KIAA0753: variants seen among roughly 807,000 people sequenced by gnomAD.
The protein encoded by KIAA0753 is protein moonraker.
Under a neutral mutation model 116.9 loss-of-function variants are expected in KIAA0753, and 114 were observed. That is an observed-to-expected ratio of 0.98 (90% confidence interval 0.84 to 1.14). The LOEUF is 1.14. KIAA0753 is among the 50% of genes most tolerant of loss of function. The pLI is 0.00. For missense variants in KIAA0753, 1,156 were observed against 1,172.4 expected (o/e 0.99, Z 0.20); for synonymous variants, 405 against 413.1 (o/e 0.98, Z 0.24).
intron 2 of KIAA0753, among the ~76,000 whole-genome samples, chr17:6,631,868 G>T (rs1972037878): frequency 1.3e-5 from 2 of 152,106 alleles, no homozygotes; most frequent in African/African-American, 4.8e-5. Flanking sequence ...GAAAAGACAA[G>T]TTGAGCCTGG....
Position 6,596,217 on chromosome 17 carries a change from C to T in KIAA0753, c.2299G>A (p.Glu767Lys), listed in dbSNP as rs1373008849. ...AGATCTGGGCTATCCTTGCTGTCCT[C>T]AACGGTGGCTAAGGTTTCAGACCCC... ...ILGSETLATVEDSKDSPDLEI... is the reference protein window; with the variant it reads ...ILGSETLATVKDSKDSPDLEI... The change falls in exon 15 of 19, where the codon GAG (glutamate) becomes AAG (lysine). Residue 767 changes from glutamate to lysine, a missense_variant. Transcript: ENST00000361413. 3.7e-6 allele frequency: 6 copies of T among 1,613,898 alleles called. No homozygotes were observed. Among genetic ancestry groups the T allele is most frequent in the Non-Finnish European group, 5.1e-6 (6 of 1,179,858 alleles).
chr17:6,595,282 G>A (rs912463536), intron 15 of KIAA0753, among the ~76,000 whole-genome samples: 1 of 152,218 alleles, frequency 6.6e-6, no homozygotes, highest in African/African-American at 2.4e-5. Context: ...AGAAGCTGCT[G>A]CAGTGAGGAA....
intron 14 of KIAA0753, among the ~76,000 whole-genome samples, chr17:6,597,155 C>T (rs1041191354): frequency 1.3e-5 from 2 of 152,156 alleles, no homozygotes; most frequent in African/African-American, 4.8e-5. Flanking sequence ...CACGCTGAGA[C>T]ACTTAGCATA....
chr17:6,623,160 C>G, intron 5 of KIAA0753, 63 bp from the exon 6 acceptor site: 2 of 1,408,982 alleles, frequency 1.4e-6, no homozygotes, highest in Non-Finnish European at 9.8e-7. Flanking sequence ...ATTCACCCAA[C>G]TTCTAAGAAT....
intron 17 of KIAA0753, 43 bp from the exon 18 acceptor site, chr17:6,590,046 T>C (rs2150747224): frequency 1.4e-6 from 2 of 1,383,032 alleles, no homozygotes; most frequent in Non-Finnish European, 9.8e-7. Flanking sequence ...AGATCATCTG[T>C]AAGCAAGACT....
chr17:6,591,774 A>ACGTTTACCTCT (rs1363172253), intron 16 of KIAA0753, among the ~76,000 whole-genome samples: 9 of 152,128 alleles, frequency 5.9e-5, no homozygotes, highest in Non-Finnish European at 1.0e-4. Flanking sequence ...TTGCCCTCCA[A>ACGTTTACCTCT]CGTTTACCTC....
intron 2 of KIAA0753, 89 bp downstream of exon 2, chr17:6,634,922 G>A (rs1972221514): frequency 2.5e-6 from 2 of 815,346 alleles, no homozygotes; most frequent in Non-Finnish European, 2.1e-6. Flanking sequence ...AATCTAGGAG[G>A]TGATTTCAAA....
rs374358737 is a variant in KIAA0753, at chr17:6,612,131, T to G, written c.1333A>C (p.Thr445Pro). Residue 445 changes from threonine (T) to proline (P), a missense_variant, in exon 8 of 19, where the codon ACG (threonine) becomes CCG (proline). By Grantham distance (38) the Thr-to-Pro change is conservative. Coordinates refer to ENST00000361413, the MANE Select transcript of KIAA0753 (RefSeq NM_014804.3). ...AACCTCTGGGTCTCCGGAAGCTCCGTATCGGGCTGATACTTATCTACATGG... is the reference window on the plus strand; with the variant it reads ...AACCTCTGGGTCTCCGGAAGCTCCGGATCGGGCTGATACTTATCTACATGG... ...QLLADKYQPD[T>P]ELPETQRLQS... 8.7e-6 allele frequency: 14 copies of G among 1,612,986 alleles called. No individual in the cohort carries two copies. In the African/African-American group the frequency reaches 1.5e-4, roughly 17 times the overall value.
intron 18 of KIAA0753, among the ~76,000 whole-genome samples, chr17:6,582,278 G>A (rs1968234579): frequency 6.6e-6 from 1 of 152,136 alleles, no homozygotes; most frequent in Non-Finnish European, 1.5e-5. Flanking sequence ...TTAGCCAGAG[G>A]TAAAGAGTCA....
chr17:6,582,048 A>T (rs1968216252), intron 18 of KIAA0753, among the ~76,000 whole-genome samples: 1 of 152,206 alleles, frequency 6.6e-6, no homozygotes, highest in Non-Finnish European at 1.5e-5. Context: ...CTCAGCAGAC[A>T]AACTAAGAAA....
chr17:6,580,836 G>A (rs1271681784), intron 18 of KIAA0753, among the ~76,000 whole-genome samples: 1 of 151,658 alleles, frequency 6.6e-6, no homozygotes, highest in Non-Finnish European at 1.5e-5. Flanking sequence ...CGGAGGAAGG[G>A]GTGTGCCTTC....
chr17:6,579,964 C>T (rs1968024093), intron 18 of KIAA0753, 100 bp from the exon 19 acceptor site: 1 of 799,360 alleles, frequency 1.3e-6, no homozygotes, highest in African/African-American at 1.7e-5. Context: ...GGACAGATCA[C>T]CTGAGGTCAG....
chr17:6,619,300 G>A (rs530462264), intron 7 of KIAA0753, among the ~76,000 whole-genome samples: 2 of 152,176 alleles, frequency 1.3e-5, no homozygotes, highest in Non-Finnish European at 2.9e-5. Flanking sequence ...AACTCAAGGG[G>A]GTAATTTCTT....
chr17:6,621,742 G>GAGT lies in KIAA0753; in HGVS notation c.1105-745_1105-744insACT, dbSNP rs752836811. ...TCTTACTCAAGCTCAAAATGTAGGA[G>GAGT]AGGGACTAGAGAGTTTCTTCAGATC... On this transcript the variant is annotated intron_variant, in intron 6 of 18. Transcript: ENST00000361413. 1.8e-4 allele frequency among the ~76,000 whole-genome samples: 27 copies of GAGT among 152,314 alleles called. No individual in the cohort carries two copies. The East Asian group carries it at 4.6e-3, about 26-fold the overall frequency.
chr17:6,594,835 G>C, intron 16 of KIAA0753, 137 bp downstream of exon 16: 2 of 682,588 alleles, frequency 2.9e-6, no homozygotes. Context: ...AGGTGACAAA[G>C]CAAAGAGAGT....
intron 1 of KIAA0753, chr17:6,637,581 CCCCACA>C (rs1416649560): frequency 1.3e-5 from 2 of 152,962 alleles, no homozygotes; most frequent in Non-Finnish European, 2.9e-5. Context: ...TGGTCCCCTC[CCCCACA>C]GACCCCAGCA....
intron 9 of KIAA0753, among the ~76,000 whole-genome samples, chr17:6,608,976 A>G (rs922141680): frequency 3.9e-5 from 6 of 152,250 alleles, no homozygotes; most frequent in Non-Finnish European, 8.8e-5. Flanking sequence ...TTGTATACAA[A>G]AATACAGAAA....
In KIAA0753 at chr17:6,607,285, A is replaced by C. The variant is rs761067674; in HGVS notation, c.1830-15T>G. On this transcript the variant is annotated splice_polypyrimidine_tract_variant and intron_variant, in intron 10 of 18. Transcript: ENST00000361413. The stretch of plus-strand genomic sequence containing the variant: ...GCCAAGCGAGCCTAGCAGACAGTCA[A>C]AAGAGTCAAACCAATTCTGCCTCGA... 6.2e-7 allele frequency: 1 copy of C among 1,612,144 alleles called. No individual in the cohort carries two copies. The highest frequency in any genetic ancestry group is 8.5e-7 in the Non-Finnish European group (1 of 1,178,396).
At chr17:6,587,658 A>G (rs1378029766) in intron 18 of KIAA0753, among the ~76,000 whole-genome samples, 1 of 152,228 alleles carries the variant, frequency 6.6e-6, no homozygotes, top group Non-Finnish European at 1.5e-5. Flanking sequence ...ATACATGTGA[A>G]GACAAATTTG....
Sources: allele counts gnomAD v4.1 joint callset (sites outside exome capture counted in the v4.1 genomes callset), GRCh38; gene constraint gnomAD v4.1.1; transcripts MANE v1.5; gene names NCBI Gene and HGNC (gene_info 2026-07-23, HGNC 2026-07-21).